The following CD1B variants were observed in gnomAD, a reference collection of about 807,000 sequenced individuals.
CD1B encodes T-cell surface glycoprotein CD1b.
CD1B carries 43 observed loss-of-function variants against 39.8 expected under a neutral mutation model. That is an observed-to-expected ratio of 1.08 (90% CI 0.85 to 1.39). The LOEUF is 1.39. Among genes scored for constraint, CD1B ranks in the 40% most tolerant of loss-of-function variants. The pLI is 0.00. For synonymous variants in CD1B, 192 were observed against 152.5 expected (o/e 1.26, Z -1.91); for missense variants, 495 against 403.8 (o/e 1.23, Z -1.94).
the CD1B span, among the ~76,000 whole-genome samples, chr1:158,310,353 A>C: frequency 6.6e-6 from 1 of 152,214 alleles, no homozygotes; most frequent in African/African-American, 2.4e-5. Context: ...TAAAACCTAA[A>C]ACTACAGAAA....
At chr1:158,311,283 G>A in the CD1B span, among the ~76,000 whole-genome samples, 1 of 152,104 alleles carries the variant, frequency 6.6e-6, no homozygotes, top group Non-Finnish European at 1.5e-5. Flanking sequence ...GATTAGTCAT[G>A]TTGAGCATAT....
chr1:158,295,976 G>A, the CD1B span, among the ~76,000 whole-genome samples: 3 of 151,998 alleles, frequency 2.0e-5, no homozygotes, highest in Admixed American at 2.0e-4. Flanking sequence ...GTCCCCACTA[G>A]CCTACATGCG....
At position 158,328,988 on chromosome 1, in the gene CD1B, C is replaced by T. The variant is rs764317754; in HGVS notation, c.913G>A (p.Val305Ile). Reference sequence around the variant, plus strand: ...AAGGAAGGCACTATTATTGCCAAAACAATTGAGCCAATGGAGGTGGGGTTT... The same window carrying T: ...AAGGAAGGCACTATTATTGCCAAAATAATTGAGCCAATGGAGGTGGGGTTT... ...WRNPTSIGSI[V>I]LAIIVPSLLL... The change falls in exon 5 of 6, where the codon GTT becomes ATT. Residue 305 changes from valine (V) to isoleucine (I), a missense_variant. By Grantham distance (29) the Val-to-Ile change is conservative. Coordinates refer to ENST00000368168, the MANE Select transcript of CD1B (RefSeq NM_001764.3). 3.4e-5 allele frequency: 55 copies of T among 1,613,694 alleles called. No homozygotes were observed. Among genetic ancestry groups the T allele is most frequent in the Non-Finnish European group, 4.6e-5 (54 of 1,179,850 alleles).
At chr1:158,331,156 A>G in intron 1 of CD1B, 94 bp from the exon 2 acceptor site, 1 of 1,323,614 alleles carries the variant, frequency 7.6e-7, no homozygotes, top group Non-Finnish European at 1.0e-6. Flanking sequence ...GAAAACAAGA[A>G]CCTAGAGTCT....
the CD1B span, among the ~76,000 whole-genome samples, chr1:158,307,389 A>T: frequency 1.3e-5 from 2 of 152,234 alleles, no homozygotes; most frequent in Non-Finnish European, 1.5e-5. Flanking sequence ...ATCAGGAAGA[A>T]TTTGAATCCC....
chr1:158,320,901 G>T, the CD1B span, among the ~76,000 whole-genome samples: 1 of 151,954 alleles, frequency 6.6e-6, no homozygotes, highest in South Asian at 2.1e-4. Context: ...TTTTTAATAT[G>T]TTAAGACTTT....
At chr1:158,323,978 A>T (rs955175958), downstream of CD1B, among the ~76,000 whole-genome samples, 2 of 152,150 alleles carry the variant, frequency 1.3e-5, no homozygotes, top group Non-Finnish European at 2.9e-5. Flanking sequence ...TGGCTATGAG[A>T]TAAGGGTAAG....
At chr1:158,312,190 T>C in the CD1B span, among the ~76,000 whole-genome samples, 1 of 152,198 alleles carries the variant, frequency 6.6e-6, no homozygotes, top group Non-Finnish European at 1.5e-5. Flanking sequence ...GCCACCATAA[T>C]TCCCATATGT....
the CD1B span, chr1:158,292,190 G>A: frequency 4.3e-6 from 7 of 1,614,186 alleles, no homozygotes; most frequent in Non-Finnish European, 5.9e-6. Flanking sequence ...TGAGTTTCCA[G>A]AATACAACAT....
At chr1:158,291,105 TAC>T in the CD1B span, 1 of 1,596,590 alleles carries the variant, frequency 6.3e-7, no homozygotes. Flanking sequence ...TTTTTTTCCT[TAC>T]ACTACTTGCC....
the CD1B span, among the ~76,000 whole-genome samples, chr1:158,287,935 C>T: frequency 1.3e-5 from 2 of 152,134 alleles, no homozygotes; most frequent in African/African-American, 4.8e-5. Context: ...TTTCAGTGGT[C>T]AGGACTGGAG....
chr1:158,287,214 G>T, the CD1B span, among the ~76,000 whole-genome samples: 21 of 152,160 alleles, frequency 1.4e-4, no homozygotes, highest in Non-Finnish European at 2.6e-4. Flanking sequence ...TCTAGTGAAG[G>T]TTCTCTTCCT....
At chr1:158,307,638 C>G in the CD1B span, among the ~76,000 whole-genome samples, 5 of 152,050 alleles carry the variant, frequency 3.3e-5, no homozygotes, top group African/African-American at 9.7e-5. Context: ...CAAAAAAAGA[C>G]AATTTTAGAC....
At chr1:158,320,164 C>T in the CD1B span, among the ~76,000 whole-genome samples, 5 of 152,206 alleles carry the variant, frequency 3.3e-5, no homozygotes, top group African/African-American at 1.2e-4. Flanking sequence ...GGCAGGCCTC[C>T]TTGAGCTGTG....
the CD1B span, among the ~76,000 whole-genome samples, chr1:158,301,971 T>A: frequency 6.6e-6 from 1 of 151,814 alleles, no homozygotes; most frequent in African/African-American, 2.4e-5. Flanking sequence ...ATATGCAGAA[T>A]ACACCTGTCT....
chr1:158,291,103 C>G, the CD1B span: 1 of 1,547,384 alleles, frequency 6.5e-7, no homozygotes, highest in South Asian at 1.2e-5. Flanking sequence ...TTTTTTTTTC[C>G]TTACACTACT....
chr1:158,291,615 C>T, the CD1B span, among the ~76,000 whole-genome samples: 1 of 151,970 alleles, frequency 6.6e-6, no homozygotes, highest in African/African-American at 2.4e-5. Context: ...TGTTATCTTC[C>T]ACCTGTGGTC....
the CD1B span, among the ~76,000 whole-genome samples, chr1:158,301,385 A>G: frequency 3.9e-5 from 6 of 152,102 alleles, no homozygotes; most frequent in Non-Finnish European, 7.4e-5. Context: ...CATAGCATCA[A>G]TGGTCTTTAC....
At chr1:158,307,834 T>C in the CD1B span, among the ~76,000 whole-genome samples, 1 of 152,164 alleles carries the variant, frequency 6.6e-6, no homozygotes, top group South Asian at 2.1e-4. Context: ...GGGATGTATC[T>C]CAAAATAATA....
Sources: gnomAD v4.1 joint callset for allele counts (sites outside exome capture counted in the v4.1 genomes callset) on GRCh38, gnomAD v4.1.1 for gene constraint, MANE v1.5 for transcripts, NCBI Gene and HGNC (gene_info 2026-07-23, HGNC 2026-07-21) for gene names.